Variants in ZCWPW2 observed in about 807,000 individuals in gnomAD.
The protein encoded by ZCWPW2 is zinc finger CW-type PWWP domain protein 2.
In ZCWPW2, 45 loss-of-function variants were observed where a neutral mutation model predicts 46.6. That is an observed-to-expected ratio of 0.96 (90% confidence interval 0.76 to 1.24). The LOEUF is 1.24. Ranked by LOEUF, ZCWPW2 falls within the 50% of genes most tolerant of loss-of-function variation. ZCWPW2 has a pLI of 0.00. For synonymous variants in ZCWPW2, 152 were observed against 137.1 expected, an observed-to-expected ratio of 1.11 and a Z score of -0.76; for missense variants, 429 against 403.9, an observed-to-expected ratio of 1.06 and a Z score of -0.53.
At chr3:28,444,401 A>AG (rs765946058) in intron 4 of ZCWPW2, among the ~76,000 whole-genome samples, 1 of 152,162 alleles carries the variant, frequency 6.6e-6, no homozygotes, top group Non-Finnish European at 1.5e-5. Context: ...TGTCTCAGGC[A>AG]GTGTAGGGTT....
chr3:28,449,842 T>C (rs1487091340), intron 4 of ZCWPW2, among the ~76,000 whole-genome samples: 1 of 152,194 alleles, frequency 6.6e-6, no homozygotes, highest in Non-Finnish European at 1.5e-5. Flanking sequence ...TGATTTTTCT[T>C]TTATATTTAG....
chr3:28,421,994 A>G (rs1437596909), intron 3 of ZCWPW2, among the ~76,000 whole-genome samples: 9 of 151,666 alleles, frequency 5.9e-5, no homozygotes, highest in Non-Finnish European at 1.0e-4. Context: ...CCCCATGTTT[A>G]TTTTTAAATT....
intron 2 of ZCWPW2, among the ~76,000 whole-genome samples, chr3:28,394,970 C>T (rs971208115): frequency 9.9e-5 from 15 of 151,994 alleles, no homozygotes; most frequent in Non-Finnish European, 1.5e-4. Context: ...GAAAAGGCAG[C>T]CTATGGAGTG....
intron 1 of ZCWPW2, among the ~76,000 whole-genome samples, chr3:28,361,867 A>G (rs1704956844): frequency 6.6e-6 from 1 of 152,084 alleles, no homozygotes; most frequent in Admixed American, 6.6e-5. Context: ...TTTTAAAGGC[A>G]GAAAGTAAGT....
chr3:28,442,926 G>C (rs559624816), intron 4 of ZCWPW2, among the ~76,000 whole-genome samples: 2 of 152,272 alleles, frequency 1.3e-5, no homozygotes, highest in East Asian at 3.9e-4. Context: ...TCTCTAGGTA[G>C]AGGCAGCTCT....
chr3:28,446,204 C>T (rs915513060), intron 4 of ZCWPW2, among the ~76,000 whole-genome samples: 1 of 152,020 alleles, frequency 6.6e-6, no homozygotes, highest in Non-Finnish European at 1.5e-5. Context: ...ACACTCTACC[C>T]GACAGGACTA....
Position 28,524,887 on chromosome 3 carries a change from T to G in ZCWPW2, c.*199T>G. ...ATGGTATTTAAGTTAGTGTTAAAAA[T>G]TTAGAATTAAAAAACCCTGATATTT... On this transcript the variant is annotated 3_prime_UTR_variant, in exon 10 of 10. Coordinates refer to ENST00000383768, the MANE Select transcript of ZCWPW2 (RefSeq NM_001040432.4). 1 of 330,916 alleles carries G rather than the reference T, an allele frequency of 3.0e-6. No individual in the cohort carries two copies. Among genetic ancestry groups the G allele is most frequent in the Non-Finnish European group, 5.0e-6 (1 of 198,526 alleles). 20.5% of individuals were successfully genotyped at this position (330,916 alleles called of 1,614,324 possible). A position where few individuals can be genotyped will look rare whatever the true frequency, so the allele number is the denominator to read the frequency against.
chr3:28,405,843 ATCT>A (rs1696135709), intron 2 of ZCWPW2, among the ~76,000 whole-genome samples: 1 of 152,182 alleles, frequency 6.6e-6, no homozygotes, highest in African/African-American at 2.4e-5. Flanking sequence ...GAATGTCTCA[ATCT>A]TCTTAAAAAA....
At chr3:28,406,049 A>C (rs536260997) in intron 2 of ZCWPW2, among the ~76,000 whole-genome samples, 62 of 152,310 alleles carry the variant, frequency 4.1e-4, no homozygotes, top group African/African-American at 1.5e-3. Context: ...TAGAACTGTG[A>C]GTGATTAAAT....
At chr3:28,488,374 C>T (rs1201436730) in intron 5 of ZCWPW2, among the ~76,000 whole-genome samples, 2 of 152,120 alleles carry the variant, frequency 1.3e-5, no homozygotes, top group Non-Finnish European at 2.9e-5. Context: ...GTTTTGCTCA[C>T]CTTTGTACAT....
At chr3:28,382,762 T>A (rs1695149014) in intron 1 of ZCWPW2, among the ~76,000 whole-genome samples, 1 of 152,120 alleles carries the variant, frequency 6.6e-6, no homozygotes, top group African/African-American at 2.4e-5. Flanking sequence ...CTTAAGTCTT[T>A]CAAAATCCTG....
chr3:28,526,135 A>G lies in ZCWPW2; in HGVS notation c.*1447A>G, dbSNP rs1202576332. Among the ~76,000 whole-genome samples the G allele has an allele frequency of 6.6e-6, 1 of 152,118 alleles. No homozygotes were observed. The highest frequency in any genetic ancestry group is 1.5e-5 in the Non-Finnish European group (1 of 68,012). ...AGCACTGTTGTGAGGAATAAATGAG[A>G]TATTTTTTGTGAAAGTGGTTTGTAA... is the stretch of plus-strand genomic sequence containing the variant. On this transcript the variant is annotated 3_prime_UTR_variant, in exon 10 of 10. Transcript: ENST00000383768.
intron 4 of ZCWPW2, chr3:28,447,790 T>C: frequency 1.2e-6 from 1 of 800,070 alleles, no homozygotes; most frequent in Admixed American, 1.7e-5. Context: ...AAACTAGGCT[T>C]TCCTGAACCC....
chr3:28,373,947 T>C (rs1017669722), intron 1 of ZCWPW2, among the ~76,000 whole-genome samples: 3 of 152,200 alleles, frequency 2.0e-5, no homozygotes, highest in Non-Finnish European at 2.9e-5. Context: ...ATTCTGTAGG[T>C]TGTCTCTTCA....
chr3:28,377,349 C>T (rs1435184947), intron 1 of ZCWPW2, among the ~76,000 whole-genome samples: 1 of 152,010 alleles, frequency 6.6e-6, no homozygotes, highest in African/African-American at 2.4e-5. Flanking sequence ...CTCACTAGAA[C>T]TGAGAGTAAG....
intron 2 of ZCWPW2, among the ~76,000 whole-genome samples, chr3:28,409,294 A>C (rs892600560): frequency 3.3e-5 from 5 of 151,192 alleles, no homozygotes; most frequent in African/African-American, 1.2e-4. Flanking sequence ...TAATTTTTGT[A>C]TTTTCAGTAG....
At chr3:28,508,971 A>G (rs1480473058) in intron 6 of ZCWPW2, among the ~76,000 whole-genome samples, 2 of 152,188 alleles carry the variant, frequency 1.3e-5, no homozygotes, top group Non-Finnish European at 2.9e-5. Context: ...TAATTTTAGA[A>G]CAGTTTTTCA....
intron 2 of ZCWPW2, among the ~76,000 whole-genome samples, chr3:28,401,147 C>T (rs1277206337): frequency 6.6e-6 from 1 of 151,826 alleles, no homozygotes; most frequent in Non-Finnish European, 1.5e-5. Flanking sequence ...CCCCTGCACT[C>T]CAGCCTGGGC....
chr3:28,430,756 C>T lies in ZCWPW2; in HGVS notation c.333-4354C>T, dbSNP rs115171177. On this transcript the variant is annotated intron_variant, in intron 3 of 9. Transcript: ENST00000383768. ...TGCTCTTCTCATAATAGTGAGTTCT[C>T]ATGAGATTTGATGGTTTTATAAGGA... Among the ~76,000 whole-genome samples, 1,043 of 152,244 alleles carry T rather than the reference C, an allele frequency of 6.9e-3. 10 individuals carry two copies. The highest frequency in any genetic ancestry group is 0.023 in the African/African-American group (942 of 41,542).
Sources: allele counts gnomAD v4.1 joint callset (sites outside exome capture counted in the v4.1 genomes callset), GRCh38; gene constraint gnomAD v4.1.1; transcripts MANE v1.5; gene names NCBI Gene and HGNC (gene_info 2026-07-23, HGNC 2026-07-21).